The following FHIT variants were observed in gnomAD, a reference collection of about 807,000 sequenced individuals.
The protein encoded by FHIT is fragile histidine triad diadenosine triphosphatase.
In FHIT, 19 loss-of-function variants were observed where a neutral mutation model predicts 17.9. The observed-to-expected ratio is 1.06, with a 90% CI of 0.74 to 1.56. The LOEUF is 1.56. Ranked by LOEUF, FHIT falls within the 40% of genes most tolerant of loss-of-function variation. FHIT has a pLI of 0.00. For missense variants in FHIT, 248 were observed against 189.2 expected (o/e 1.31, Z -1.82); for synonymous variants, 81 against 69.7 (o/e 1.16, Z -0.81).
intron 2 of FHIT, among the ~76,000 whole-genome samples, chr3:61,177,141 C>T (rs915480249): frequency 2.0e-5 from 3 of 149,554 alleles, no homozygotes; most frequent in African/African-American, 7.4e-5. Context: ...TGCACCCCTG[C>T]ACTTCAGCCT....
intron 4 of FHIT, among the ~76,000 whole-genome samples, chr3:60,635,617 T>C (rs2039563924): frequency 6.6e-6 from 1 of 152,232 alleles, no homozygotes; most frequent in African/African-American, 2.4e-5. Context: ...AGATACTCCA[T>C]AAATATTTGC....
intron 2 of FHIT, among the ~76,000 whole-genome samples, chr3:61,150,051 T>G (rs1395707431): frequency 1.3e-5 from 2 of 152,146 alleles, no homozygotes; most frequent in Non-Finnish European, 2.9e-5. Flanking sequence ...CCTGTCCTTT[T>G]CTTCATTCAA....
At chr3:60,865,611 A>G (rs1483176153) in intron 3 of FHIT, among the ~76,000 whole-genome samples, 1 of 152,254 alleles carries the variant, frequency 6.6e-6, no homozygotes, top group East Asian at 1.9e-4. Context: ...GAGACTCTCT[A>G]TGGAGACAGG....
chr3:60,952,197 T>C (rs937697517), intron 3 of FHIT, among the ~76,000 whole-genome samples: 6 of 130,586 alleles, frequency 4.6e-5, no homozygotes, highest in African/African-American at 1.5e-4. Context: ...AAAAAGAGAT[T>C]CCACTTTTTA....
At chr3:60,409,337 C>G (rs1701984030) in intron 5 of FHIT, among the ~76,000 whole-genome samples, 1 of 152,098 alleles carries the variant, frequency 6.6e-6, no homozygotes, top group Non-Finnish European at 1.5e-5. Flanking sequence ...AAGAAAAGGT[C>G]TAAAGACTAT....
intron 2 of FHIT, among the ~76,000 whole-genome samples, chr3:61,103,253 GTC>G (rs1491115705): frequency 6.6e-6 from 1 of 152,168 alleles, no homozygotes; most frequent in Non-Finnish European, 1.5e-5. Flanking sequence ...GCTACATTGT[GTC>G]TTTGTTCTCA....
At chr3:60,718,934 G>A (rs2041748335) in intron 4 of FHIT, among the ~76,000 whole-genome samples, 1 of 152,110 alleles carries the variant, frequency 6.6e-6, no homozygotes, top group African/African-American at 2.4e-5. Context: ...TTCTGACTGG[G>A]CTAGAGTTCT....
Position 60,756,304 on chromosome 3 carries a change from A to G in FHIT, c.-18+65615T>C, listed in dbSNP as rs541660864. Among the ~76,000 whole-genome samples the G allele has an allele frequency of 1.6e-3, 251 of 152,296 alleles. 1 individual carries two copies. The highest frequency in any genetic ancestry group is 5.6e-3 in the African/African-American group (234 of 41,566). The stretch of plus-strand genomic sequence containing the variant: ...GGGGTGAGTATTGTACAAGGTTTCA[A>G]TGCCTTTTTTTTCCAACTCACATTG... On this transcript the variant is annotated intron_variant, in intron 4 of 9. Transcript: ENST00000492590.
intron 5 of FHIT, among the ~76,000 whole-genome samples, chr3:60,029,594 C>T (rs903223752): frequency 6.6e-6 from 1 of 152,116 alleles, no homozygotes; most frequent in Admixed American, 6.6e-5. Flanking sequence ...TCTTTTGTTT[C>T]CCAAGTAGCC....
At chr3:60,005,115 C>T (rs146890899) in intron 7 of FHIT, among the ~76,000 whole-genome samples, 33 of 152,256 alleles carry the variant, frequency 2.2e-4, no homozygotes, top group African/African-American at 7.5e-4. Flanking sequence ...TTTAACTTCC[C>T]TGCATTTTCT....
At chr3:60,170,549 G>C (rs1701372586) in intron 5 of FHIT, among the ~76,000 whole-genome samples, 1 of 151,974 alleles carries the variant, frequency 6.6e-6, no homozygotes, top group African/African-American at 2.4e-5. Context: ...CCAGCACTTA[G>C]GACAAGAGAT....
Position 60,161,783 on chromosome 3 carries a change from A to G in FHIT, c.104-147631T>C, listed in dbSNP as rs999173367. ...AAGGAAAACAGGGCTGAAAGTCACA[A>G]TCAGCATATGGAGACACACAAAGAG... On this transcript the variant is annotated intron_variant, in intron 5 of 9. Coordinates refer to ENST00000492590, the MANE Select transcript of FHIT (RefSeq NM_002012.4). Among the ~76,000 whole-genome samples, 6 of 152,284 alleles carry G rather than the reference A, an allele frequency of 3.9e-5. No individual in the cohort carries two copies. In the South Asian group the frequency reaches 1.0e-3, roughly 26 times the overall value.
At chr3:60,531,114 A>C (rs1199349847) in intron 5 of FHIT, among the ~76,000 whole-genome samples, 1 of 152,198 alleles carries the variant, frequency 6.6e-6, no homozygotes, top group East Asian at 1.9e-4. Flanking sequence ...TTTCTCCTCC[A>C]AAAGCTCTTA....
chr3:59,996,856 G>C (rs1197001874), intron 7 of FHIT, among the ~76,000 whole-genome samples: 1 of 152,080 alleles, frequency 6.6e-6, no homozygotes. Flanking sequence ...TGAGGATAGT[G>C]AAATGACAGA....
At chr3:60,328,139 T>C (rs1460373818) in intron 5 of FHIT, among the ~76,000 whole-genome samples, 2 of 149,912 alleles carry the variant, frequency 1.3e-5, no homozygotes, top group East Asian at 2.0e-4. Context: ...AATCCAACTG[T>C]AAGGGAGCAC....
chr3:60,250,958 G>A (rs138099331), intron 5 of FHIT, among the ~76,000 whole-genome samples: 8 of 152,278 alleles, frequency 5.3e-5, no homozygotes, highest in Non-Finnish European at 1.0e-4. Flanking sequence ...GATCAAAAAC[G>A]AAAGAGGTGA....
intron 3 of FHIT, among the ~76,000 whole-genome samples, chr3:60,849,716 G>A (rs1553747695): frequency 6.6e-6 from 1 of 151,904 alleles, no homozygotes; most frequent in East Asian, 1.9e-4. Context: ...TCTTACCTAT[G>A]CACTTGGAGT....
intron 5 of FHIT, among the ~76,000 whole-genome samples, chr3:60,090,172 G>A (rs183191484): frequency 1.8e-4 from 28 of 152,120 alleles, no homozygotes; most frequent in Admixed American, 1.4e-3. Context: ...ACATGACAAT[G>A]CTACAATTAA....
chr3:59,795,222 T>C (rs146617297), intron 8 of FHIT, among the ~76,000 whole-genome samples: 4,157 of 151,798 alleles, frequency 0.027, 185 homozygotes, highest in African/African-American at 0.092. Context: ...CCCGTCTCTA[T>C]TAAAAATATA....
Sources: allele counts gnomAD v4.1 joint callset (sites outside exome capture counted in the v4.1 genomes callset), GRCh38; gene constraint gnomAD v4.1.1; transcripts MANE v1.5; gene names NCBI Gene and HGNC (gene_info 2026-07-23, HGNC 2026-07-21).